The following SPOP variants were observed in gnomAD, a reference collection of about 807,000 sequenced individuals.
SPOP encodes the protein speckle type BTB/POZ protein.
SPOP carries 11 observed loss-of-function variants against 45.6 expected under a neutral mutation model. The ratio of observed to expected loss-of-function variants is 0.24; its 90% CI spans 0.15 to 0.40. The LOEUF is 0.40. SPOP is among the 10% of genes least tolerant of loss of function. SPOP has a pLI of 1.00. For synonymous variants in SPOP, 166 were observed against 166.3 expected (o/e 1.00, Z 0.01); for missense variants, 152 against 465.6 (o/e 0.33, Z 6.20).
At chr17:49,618,492 A>G (rs745902431) in intron 5 of SPOP, 13 of 453,174 alleles carry the variant, frequency 2.9e-5, no homozygotes, top group Admixed American at 7.2e-5. Context: ...CTAGAAAAAA[A>G]ATGGTTCTCA....
At chr17:49,634,829 T>G (rs886175361) in intron 1 of SPOP, among the ~76,000 whole-genome samples, 5 of 152,282 alleles carry the variant, frequency 3.3e-5, no homozygotes, top group South Asian at 4.1e-4. Flanking sequence ...GTCTAATTAG[T>G]CTTAGGGCAT....
intron 1 of SPOP, among the ~76,000 whole-genome samples, chr17:49,651,209 T>A (rs1416057338): frequency 6.6e-6 from 1 of 152,308 alleles, no homozygotes; most frequent in East Asian, 1.9e-4. Context: ...AAGAAAGATA[T>A]TGGTGAGGCA....
At position 49,600,410 on chromosome 17, in the gene SPOP, C is replaced by T. The variant is rs1316085986; in HGVS notation, c.1093G>A (p.Gly365Arg). ...SLASAQCPFLGPPRKRLKQS is the reference protein window; with the variant it reads ...SLASAQCPFLRPPRKRLKQS ...TGCTTCAGGCGTTTGCGTGGGGGTC[C>T]CAGAAAAGGGCACTGTGCTGAAGCC... Residue 365 changes from glycine (G) to arginine (R), a missense_variant, in exon 10 of 10, where the codon GGA becomes AGA. Transcript: ENST00000504102. The surrounding 1 kb of genome is among the most constrained non-coding windows in gnomAD (Gnocchi z 4.2). The T allele has an allele frequency of 6.2e-7, 1 of 1,613,954 alleles. No homozygotes were observed. Among genetic ancestry groups the T allele is most frequent in the South Asian group, 1.1e-5 (1 of 91,068 alleles).
Position 49,621,923 on chromosome 17 carries a change from C to T in SPOP, c.200+23G>A, listed in dbSNP as rs369483243. ...ACAGACAACTTCAGAAAAATTTTTA[C>T]AGTTAGACGTATTCTTCCTCACCAT... On this transcript the variant is annotated intron_variant, in intron 3 of 9. Coordinates refer to ENST00000504102, the MANE Select transcript of SPOP (RefSeq NM_001007228.2). 8 of 1,609,988 alleles carry T rather than the reference C, an allele frequency of 5.0e-6. 1 individual carries two copies. In the South Asian group the frequency reaches 8.8e-5, roughly 18 times the overall value.
At chr17:49,650,597 T>C (rs769054267) in intron 1 of SPOP, among the ~76,000 whole-genome samples, 4 of 152,016 alleles carry the variant, frequency 2.6e-5, no homozygotes, top group Non-Finnish European at 5.9e-5. Flanking sequence ...ATAATAACAA[T>C]AATAAATAAA....
At chr17:49,623,866 C>T (rs1409512338) in intron 1 of SPOP, among the ~76,000 whole-genome samples, 2 of 152,108 alleles carry the variant, frequency 1.3e-5, no homozygotes, top group Non-Finnish European at 2.9e-5. Flanking sequence ...TCTCAATCTA[C>T]ATTCTCTGTG....
intron 1 of SPOP, among the ~76,000 whole-genome samples, chr17:49,625,208 A>G (rs536337663): frequency 1.6e-4 from 24 of 152,376 alleles, no homozygotes; most frequent in African/African-American, 5.8e-4. Flanking sequence ...ATGCGGCACC[A>G]TTAATAACAG....
chr17:49,657,057 C>T (rs529369332), intron 1 of SPOP, among the ~76,000 whole-genome samples: 15 of 151,804 alleles, frequency 9.9e-5, no homozygotes, highest in Admixed American at 2.0e-4. Context: ...TGGTGGCGGG[C>T]GCCTGTAGTC....
intron 1 of SPOP, among the ~76,000 whole-genome samples, chr17:49,645,937 G>A (rs2072750895): frequency 6.6e-6 from 1 of 151,334 alleles, no homozygotes; most frequent in South Asian, 2.1e-4. Flanking sequence ...GCAAGCCTCT[G>A]GCATATTTAT....
chr17:49,615,217 GTTAA>G (rs2072059386), intron 5 of SPOP, among the ~76,000 whole-genome samples: 1 of 152,076 alleles, frequency 6.6e-6, no homozygotes, highest in Admixed American at 6.6e-5. Flanking sequence ...TTAAAATAAA[GTTAA>G]TTAGTGTCTG....
At position 49,600,204 on chromosome 17, in the gene SPOP, C is replaced by T; in HGVS notation, c.*174G>A. On this transcript the variant is annotated 3_prime_UTR_variant, in exon 10 of 10. Coordinates refer to ENST00000504102, the MANE Select transcript of SPOP (RefSeq NM_001007228.2). This position sits in a 1 kb window ranked among gnomAD's most constrained non-coding sequence, Gnocchi z 4.2. ...GGTTTTCATTTCATTTTCCCTCCCCCCGTTTCCCCCAAGTTATTTAGTGCT... is the reference window on the plus strand; with the variant it reads ...GGTTTTCATTTCATTTTCCCTCCCCTCGTTTCCCCCAAGTTATTTAGTGCT... The T allele has an allele frequency of 1.2e-6, 1 of 832,598 alleles. No individual in the cohort carries two copies. The highest frequency in any genetic ancestry group is 1.9e-6 in the Non-Finnish European group (1 of 526,394). The allele number at this position is 832,598 out of a possible 1,614,324, so 51.6% of individuals were successfully genotyped here. A position where few individuals can be genotyped will look rare whatever the true frequency, so the allele number is the denominator to read the frequency against.
chr17:49,623,021 T>C (rs1314461048), intron 1 of SPOP, 145 bp from the exon 2 acceptor site: 2 of 517,878 alleles, frequency 3.9e-6, no homozygotes, highest in Admixed American at 7.0e-5. Context: ...TTTTTTTTTT[T>C]TTTCCTGATA....
intron 1 of SPOP, among the ~76,000 whole-genome samples, chr17:49,674,502 T>C (rs923638257): frequency 9.2e-5 from 14 of 152,244 alleles, no homozygotes; most frequent in African/African-American, 3.4e-4. Flanking sequence ...GTAAGCTCTC[T>C]TCAGGCACAG....
At chr17:49,618,478 C>A in intron 5 of SPOP, 1 of 451,550 alleles carries the variant, frequency 2.2e-6, no homozygotes, top group Non-Finnish European at 4.4e-6. Context: ...ACATAGCCTT[C>A]ACCCTAGAAA....
intron 1 of SPOP, among the ~76,000 whole-genome samples, chr17:49,654,118 T>C (rs1313410701): frequency 6.6e-6 from 1 of 152,234 alleles, no homozygotes; most frequent in East Asian, 1.9e-4. Context: ...AAAGTGAATT[T>C]AGTTCTTTGT....
intron 1 of SPOP, among the ~76,000 whole-genome samples, chr17:49,647,312 T>TC (rs1567794308): frequency 1.2e-5 from 1 of 81,920 alleles, no homozygotes; most frequent in African/African-American, 5.8e-5. Context: ...AGATGCCGTC[T>TC]TAAAAAAAAA....
intron 1 of SPOP, among the ~76,000 whole-genome samples, chr17:49,672,745 G>A (rs1040276151): frequency 2.5e-4 from 38 of 152,208 alleles, no homozygotes; most frequent in Middle Eastern, 3.4e-3. Context: ...TCAGGAGTTC[G>A]AGACTGGCCT....
intron 1 of SPOP, among the ~76,000 whole-genome samples, chr17:49,657,149 T>C (rs772954255): frequency 1.3e-5 from 2 of 151,500 alleles, no homozygotes; most frequent in African/African-American, 2.4e-5. Context: ...TGCGCCGAGA[T>C]TGCGCCACTG....
intron 1 of SPOP, among the ~76,000 whole-genome samples, chr17:49,664,541 C>T (rs1371775803): frequency 6.6e-6 from 1 of 152,122 alleles, no homozygotes; most frequent in African/African-American, 2.4e-5. Flanking sequence ...ATATAACCCA[C>T]ATAAACAAAA....
Sources: gnomAD v4.1 joint callset for allele counts (sites outside exome capture counted in the v4.1 genomes callset) on GRCh38, gnomAD v4.1.1 for gene constraint, Gnocchi (gnomAD v3.1) non-coding constraint, MANE v1.5 for transcripts, NCBI Gene and HGNC (gene_info 2026-07-23, HGNC 2026-07-21) for gene names.